ZFP64: variants seen among roughly 807,000 people sequenced by gnomAD.
The protein encoded by ZFP64 is zinc finger protein 64.
Under a neutral mutation model 51.6 loss-of-function variants are expected in ZFP64, and 14 were observed. The observed-to-expected ratio is 0.27, with a 90% CI of 0.18 to 0.42. The LOEUF is 0.42. Among genes scored for constraint, ZFP64 ranks in the 10% least tolerant of loss-of-function variants. ZFP64 has a pLI of 1.00. For synonymous variants in ZFP64, 375 were observed against 361.4 expected, an observed-to-expected ratio of 1.04 and a Z score of -0.43; for missense variants, 754 against 906.8, an observed-to-expected ratio of 0.83 and a Z score of 2.16.
chr20:52,175,875 C>CAAA, intron 2 of ZFP64: 14 of 965,596 alleles, frequency 1.4e-5, no homozygotes, highest in South Asian at 4.8e-5. Context: ...CCCCCGCCCC[C>CAAA]AAAATAATTC....
At chr20:52,106,108 G>A (rs1186874434) in intron 5 of ZFP64, among the ~76,000 whole-genome samples, 1 of 152,158 alleles carries the variant, frequency 6.6e-6, no homozygotes, top group Admixed American at 6.5e-5. Context: ...CGGGCGCACC[G>A]GCTCTTGGAC....
intron 2 of ZFP64, chr20:52,175,954 A>C (rs1206224784): frequency 1.0e-6 from 1 of 982,582 alleles, no homozygotes; most frequent in Admixed American, 6.4e-5. Context: ...TTTACCGTCC[A>C]CAGTGGGCGT....
chr20:52,130,572 G>A (rs991021887), intron 5 of ZFP64, among the ~76,000 whole-genome samples: 1 of 151,994 alleles, frequency 6.6e-6, no homozygotes, highest in Non-Finnish European at 1.5e-5. Flanking sequence ...ATAAGGTCAC[G>A]ATCATTTCCT....
chr20:52,106,447 G>A (rs1324087081), intron 5 of ZFP64, among the ~76,000 whole-genome samples: 1 of 152,184 alleles, frequency 6.6e-6, no homozygotes, highest in African/African-American at 2.4e-5. Context: ...TTTTTGGGGC[G>A]GGGCCTGAGA....
At position 52,084,592 on chromosome 20, in the gene ZFP64, G is replaced by A. The variant is rs756672726; in HGVS notation, c.1903C>T (p.Leu635Phe). The change falls in exon 9 of 9, where the codon CTC (leucine) becomes TTC (phenylalanine). Residue 635 changes from leucine to phenylalanine, a missense_variant. Coordinates refer to the ZFP64 transcript ENST00000361387. ...TGGCTGGGCTCTAGGGGAGCCTCGA[G>A]CTGCCCCACGGAGACCAGGGTGCTG... 3.1e-6 allele frequency: 5 copies of A among 1,613,802 alleles called. No individual in the cohort carries two copies. The South Asian group carries it at 4.4e-5, about 14-fold the overall frequency.
chr20:52,085,151 G>A lies in ZFP64; in HGVS notation c.1344C>T (p.Asp448=), dbSNP rs760052684. The A allele has an allele frequency of 3.7e-6, 6 of 1,614,144 alleles. No individual in the cohort carries two copies. The highest frequency in any genetic ancestry group is 1.3e-5 in the African/African-American group (1 of 74,946). Residue 448 remains aspartate (D), a synonymous_variant, in exon 9 of 9, where the codon GAC becomes GAT. Coordinates refer to the ZFP64 transcript ENST00000361387. The surrounding 1 kb of genome is among the most constrained non-coding windows in gnomAD (Gnocchi z 4.3). ...GATTCGCCTTCATGGTGCAGCGGAC[G>A]TCGCAGAACTCGCACTTGAAAGGCT...
chr20:52,085,215 G>A lies in ZFP64; in HGVS notation c.1280C>T (p.Ser427Leu). The A allele has an allele frequency of 1.9e-6, 3 of 1,614,156 alleles. No homozygotes were observed. The highest frequency in any genetic ancestry group is 2.5e-6 in the Non-Finnish European group (3 of 1,180,030). The stretch of plus-strand genomic sequence containing the variant: ...CACGATCATGTGCCTTTTCAAGTCC[G>A]AGCTGATTTTGAACTTGGCGCTACA... Residue 427 changes from serine (S) to leucine (L), a missense_variant, in exon 9 of 9, where the codon TCG becomes TTG. Ser to Leu is a moderately radical substitution (Grantham distance 145, BLOSUM62 -2). Transcript: ENST00000361387. The surrounding 1 kb of genome is among the most constrained non-coding windows in gnomAD (Gnocchi z 4.3).
chr20:52,170,411 C>T (rs543945947), intron 2 of ZFP64, among the ~76,000 whole-genome samples: 8 of 152,040 alleles, frequency 5.3e-5, no homozygotes, highest in Non-Finnish European at 8.8e-5. Flanking sequence ...GAGATCATGC[C>T]ACTACACTCC....
At chr20:52,187,715 G>C (rs1984075487) in intron 1 of ZFP64, among the ~76,000 whole-genome samples, 1 of 152,014 alleles carries the variant, frequency 6.6e-6, no homozygotes, top group African/African-American at 2.4e-5. Flanking sequence ...ATTTAACTTG[G>C]GGAAAATTGG....
chr20:52,132,890 A>G (rs927772050), intron 5 of ZFP64, among the ~76,000 whole-genome samples: 3 of 137,816 alleles, frequency 2.2e-5, no homozygotes, highest in South Asian at 2.2e-4. Flanking sequence ...CCAAAACCAG[A>G]CAAAAACACA....
chr20:52,093,003 T>C (rs1481481563), intron 7 of ZFP64, among the ~76,000 whole-genome samples: 1 of 152,172 alleles, frequency 6.6e-6, no homozygotes, highest in Non-Finnish European at 1.5e-5. Context: ...CAATAGCCTC[T>C]GGTTTGGACA....
intron 5 of ZFP64, chr20:52,110,671 A>C: frequency 1.4e-6 from 2 of 1,472,380 alleles, no homozygotes; most frequent in Non-Finnish European, 9.2e-7. Context: ...GCCACCTGGC[A>C]TAGCTAGCTA....
At chr20:52,171,669 T>C (rs1029803262) in intron 2 of ZFP64, among the ~76,000 whole-genome samples, 2 of 152,052 alleles carry the variant, frequency 1.3e-5, no homozygotes, top group Non-Finnish European at 2.9e-5. Flanking sequence ...TTTGTATTTT[T>C]AGTAGAGACA....
At chr20:52,120,531 C>T (rs1979129513) in intron 5 of ZFP64, among the ~76,000 whole-genome samples, 1 of 152,120 alleles carries the variant, frequency 6.6e-6, no homozygotes, top group African/African-American at 2.4e-5. Flanking sequence ...TTTGTGTCAA[C>T]CCTGCATCCA....
At chr20:52,104,618 G>C (rs749929695) in intron 5 of ZFP64, 1 of 457,202 alleles carries the variant, frequency 2.2e-6, no homozygotes, top group African/African-American at 2.0e-5. Flanking sequence ...CTGCGCTTCT[G>C]TTCCCTCGGC....
intron 5 of ZFP64, among the ~76,000 whole-genome samples, chr20:52,135,511 G>A (rs754696506): frequency 3.3e-5 from 5 of 152,054 alleles, no homozygotes; most frequent in East Asian, 1.9e-4. Flanking sequence ...ACAGGGTCTC[G>A]CTCTGTTGCT....
intron 5 of ZFP64, among the ~76,000 whole-genome samples, chr20:52,145,197 T>C (rs1246985272): frequency 6.6e-6 from 1 of 152,260 alleles, no homozygotes; most frequent in Non-Finnish European, 1.5e-5. Context: ...TGTATGTGTA[T>C]ACAGTCGTTG....
intron 4 of ZFP64, among the ~76,000 whole-genome samples, chr20:52,162,271 C>T (rs1452319278): frequency 6.6e-6 from 1 of 151,716 alleles, no homozygotes; most frequent in Non-Finnish European, 1.5e-5. Context: ...GCGCTACAGC[C>T]TGGGTGACAG....
chr20:52,098,517 G>A (rs755650696), exon 6 of ZFP64: 21 of 1,613,988 alleles, frequency 1.3e-5, no homozygotes, highest in Admixed American at 5.0e-5. Flanking sequence ...TGATGACAGG[G>A]GCCTTCGGAG....
Sources: allele counts gnomAD v4.1 joint callset (sites outside exome capture counted in the v4.1 genomes callset), GRCh38; gene constraint gnomAD v4.1.1; non-coding constraint Gnocchi (gnomAD v3.1); transcripts MANE v1.5; gene names NCBI Gene and HGNC (gene_info 2026-07-23, HGNC 2026-07-21).